HOPX: variants seen among roughly 807,000 people sequenced by gnomAD.
HOPX encodes the protein HOP homeobox.
A neutral mutation model predicts 11.8 loss-of-function variants in HOPX; 5 were observed. That is an observed-to-expected ratio of 0.43 (90% CI 0.22 to 0.89). HOPX has a LOEUF of 0.89. HOPX is among the 40% of genes least tolerant of loss of function. The probability of loss-of-function intolerance (pLI) is 0.28; values close to 1 mark genes in which losing one functional copy is unlikely to be tolerated. For missense variants in HOPX, 119 were observed against 120.0 expected, an observed-to-expected ratio of 0.99 and a Z score of 0.04; for synonymous variants, 49 against 49.7, an observed-to-expected ratio of 0.99 and a Z score of 0.06.
In HOPX at chr4:56,674,696, A is replaced by C. The variant is rs140731108; in HGVS notation, c.-84+6559T>G. 6.7e-4 allele frequency among the ~76,000 whole-genome samples: 101 copies of C among 151,646 alleles called. 3 individuals carry two copies. The highest frequency in any genetic ancestry group is 2.1e-3 in the African/African-American group (88 of 40,950). On this transcript the variant is annotated intron_variant, in intron 1 of 3. Transcript: ENST00000420433. ...ATTTTATCAAAACTACCAGAAGCAA[A>C]TTACAAGAAATTATGTGGAGATGGG...
rs921841567 is a variant in HOPX at position 56,648,458 on chromosome 4, C to G, written c.*262G>C. 5.7e-6 allele frequency: 2 copies of G among 352,142 alleles called. No individual in the cohort carries two copies. The highest frequency in any genetic ancestry group is 1.0e-5 in the Non-Finnish European group (2 of 196,426). The allele number at this position is 352,142 out of a possible 1,614,324, so 21.8% of individuals were successfully genotyped here. ...AGATGGTTTTCACACCATCTGTCATCATGACTCAAAGGGAAATGCTAGCCA... is the reference window on the plus strand; with the variant it reads ...AGATGGTTTTCACACCATCTGTCATGATGACTCAAAGGGAAATGCTAGCCA... On this transcript the variant is annotated 3_prime_UTR_variant, in exon 4 of 4. Coordinates refer to ENST00000420433, the MANE Select transcript of HOPX (RefSeq NM_032495.6).
At chr4:56,656,289 T>C (rs1166294951) in intron 2 of HOPX, 2 of 1,141,900 alleles carry the variant, frequency 1.8e-6, no homozygotes, top group East Asian at 9.2e-5. Context: ...TTGCAGGAAC[T>C]GTATCCCTGC....
intron 3 of HOPX, among the ~76,000 whole-genome samples, chr4:56,651,772 A>G (rs943092936): frequency 6.6e-6 from 1 of 152,108 alleles, no homozygotes. Flanking sequence ...TCAGGACATC[A>G]AGAGGAGATA....
intron 1 of HOPX, among the ~76,000 whole-genome samples, chr4:56,672,242 A>C (rs953266906): frequency 6.6e-6 from 1 of 152,072 alleles, no homozygotes; most frequent in African/African-American, 2.4e-5. Context: ...AGCCAAGTTT[A>C]AGAAAATGAC....
chr4:56,661,561 C>G lies in HOPX; in HGVS notation c.-83-3662G>C, dbSNP rs1029270469. Among the ~76,000 whole-genome samples the G allele has an allele frequency of 2.0e-5, 3 of 152,094 alleles. No homozygotes were observed. In the South Asian group the frequency reaches 6.2e-4, roughly 32 times the overall value. On this transcript the variant is annotated intron_variant, in intron 1 of 3. Coordinates refer to ENST00000420433, the MANE Select transcript of HOPX (RefSeq NM_032495.6). ...TTAAAGTTGTTGAACAAAACTACAC[C>G]CCTTACCACCAGTGTATAGCATTTC...
At chr4:56,655,728 G>A in intron 3 of HOPX, 129 bp downstream of exon 3, 1 of 1,118,742 alleles carries the variant, frequency 8.9e-7, no homozygotes, top group Non-Finnish European at 1.3e-6. Flanking sequence ...CCTGGGATGC[G>A]GGCAGAAGCG....
In HOPX at chr4:56,657,918, A is replaced by AGGGCAGTAGTCATAATGCAGGCAG. The variant is rs1717867469; in HGVS notation, c.-83-43_-83-20dup. 3.2e-6 allele frequency: 5 copies of AGGGCAGTAGTCATAATGCAGGCAG among 1,547,862 alleles called. No homozygotes were observed. Among genetic ancestry groups the AGGGCAGTAGTCATAATGCAGGCAG allele is most frequent in the Non-Finnish European group, 3.5e-6 (4 of 1,145,850 alleles). On this transcript the variant is annotated intron_variant, in intron 1 of 3. Transcript: ENST00000420433. ...CATTAGTCTGGTAGGAAAAATCAGG[A>AGGGCAGTAGTCATAATGCAGGCAG]GGGCAGTAGTCATAATGCAGGCAGG...
At chr4:56,665,960 T>A (rs1428580266) in intron 1 of HOPX, among the ~76,000 whole-genome samples, 1 of 152,054 alleles carries the variant, frequency 6.6e-6, no homozygotes, top group Non-Finnish European at 1.5e-5. Context: ...GAAGTTGTGG[T>A]GAAAGGGGCA....
upstream of HOPX, chr4:56,681,387 C>A (rs1023667836): frequency 1.0e-6 from 1 of 985,246 alleles, no homozygotes; most frequent in Admixed American, 6.1e-5. Flanking sequence ...AGCACACACT[C>A]GAGCAAGGAC....
chr4:56,669,690 TAATAATAATAATA>T lies in HOPX; in HGVS notation c.-84+11552_-84+11564del, dbSNP rs1442494839. ...ATAATAATAATAATAATAATAATAA[TAATAATAATAATA>T]ACACCAGTACAACAGGCATACATCA... On this transcript the variant is annotated intron_variant, in intron 1 of 3. Transcript: ENST00000420433. 2.0e-3 allele frequency among the ~76,000 whole-genome samples: 208 copies of T among 101,844 alleles called. 1 individual carries two copies. The highest frequency in any genetic ancestry group is 6.3e-3 in the African/African-American group (197 of 31,246). The allele number at this position is 101,844 out of a possible 152,430, so 66.8% of individuals were successfully genotyped here. A position where few individuals can be genotyped will look rare whatever the true frequency, so the allele number is the denominator to read the frequency against.
At position 56,655,855 on chromosome 4, in the gene HOPX, A is replaced by G. The variant is rs761617560; in HGVS notation, c.198+2T>C. On this transcript the variant is annotated splice_donor_variant, in intron 3 of 3. Coordinates refer to ENST00000420433, the MANE Select transcript of HOPX (RefSeq NM_032495.6). LOFTEE classifies it high-confidence loss of function. Reference sequence around the variant, plus strand: ...GCGCGCTGGGCGCGTGTGGGGACGCACCTGGGTCTCCTCCTCGGAAAGGCC... The same window carrying G: ...GCGCGCTGGGCGCGTGTGGGGACGCGCCTGGGTCTCCTCCTCGGAAAGGCC... The G allele has an allele frequency of 2.1e-5, 34 of 1,610,376 alleles. No individual in the cohort carries two copies. In the African/African-American group the frequency reaches 3.3e-4, roughly 16 times the overall value.
intron 3 of HOPX, among the ~76,000 whole-genome samples, chr4:56,652,182 C>T (rs1229662135): frequency 6.6e-6 from 1 of 152,108 alleles, no homozygotes; most frequent in African/African-American, 2.4e-5. Context: ...ACCTCCACCC[C>T]CACAGAGAAT....
At chr4:56,657,110 A>G (rs957220299) in intron 2 of HOPX, among the ~76,000 whole-genome samples, 9 of 152,186 alleles carry the variant, frequency 5.9e-5, no homozygotes, top group African/African-American at 1.7e-4. Flanking sequence ...GGTTCTCTCC[A>G]TACCTACGAA....
intron 1 of HOPX, 147 bp downstream of exon 1, chr4:56,681,108 T>C: frequency 1.0e-6 from 1 of 981,068 alleles, no homozygotes; most frequent in Non-Finnish European, 1.2e-6. Flanking sequence ...TAGCTTCTGC[T>C]TGGGGGTAAG....
intron 3 of HOPX, chr4:56,650,510 C>T: frequency 1.6e-6 from 1 of 620,754 alleles, no homozygotes; most frequent in Non-Finnish European, 2.8e-6. Context: ...GGAGCAAGGC[C>T]TAGAGGAGAG....
intron 1 of HOPX, among the ~76,000 whole-genome samples, chr4:56,661,484 G>A (rs1412397194): frequency 1.3e-5 from 2 of 152,082 alleles, no homozygotes; most frequent in Non-Finnish European, 2.9e-5. Flanking sequence ...TAGAACTCCT[G>A]GTTTATAGAG....
intron 1 of HOPX, among the ~76,000 whole-genome samples, chr4:56,670,470 A>G (rs1718676289): frequency 6.6e-6 from 1 of 152,256 alleles, no homozygotes; most frequent in Non-Finnish European, 1.5e-5. Context: ...AATAGTTTGC[A>G]GAGAGGAAAA....
chr4:56,670,423 A>G (rs1232305012), intron 1 of HOPX, among the ~76,000 whole-genome samples: 1 of 152,126 alleles, frequency 6.6e-6, no homozygotes, highest in African/African-American at 2.4e-5. Flanking sequence ...GTGTACTACT[A>G]AGCTTGGAAG....
chr4:56,653,166 T>C (rs892363388), intron 3 of HOPX, among the ~76,000 whole-genome samples: 11 of 152,128 alleles, frequency 7.2e-5, no homozygotes, highest in Admixed American at 6.5e-4. Context: ...GCCTTCAGAG[T>C]AGCTGGGACT....
Sources: gnomAD v4.1 joint callset for allele counts (sites outside exome capture counted in the v4.1 genomes callset) on GRCh38, gnomAD v4.1.1 for gene constraint, MANE v1.5 for transcripts, NCBI Gene and HGNC (gene_info 2026-07-23, HGNC 2026-07-21) for gene names.